The following KDM4C variants were observed in gnomAD, a reference collection of about 807,000 sequenced individuals.
KDM4C encodes the protein lysine-specific demethylase 4C.
Under a neutral mutation model 129.3 loss-of-function variants are expected in KDM4C, and 81 were observed. The observed-to-expected ratio is 0.63, with a 90% CI of 0.52 to 0.75. The LOEUF is 0.75. Ranked by LOEUF, KDM4C falls within the 30% of genes least tolerant of loss-of-function variation. KDM4C has a pLI of 0.00. For synonymous variants in KDM4C, 573 were observed against 456.1 expected, an observed-to-expected ratio of 1.26 and a Z score of -3.26; for missense variants, 1,457 against 1,304.0, an observed-to-expected ratio of 1.12 and a Z score of -1.81.
intron 8 of KDM4C, among the ~76,000 whole-genome samples, chr9:6,940,022 C>CTTCCTTCCTTCT (rs1195416099): frequency 7.5e-6 from 1 of 133,662 alleles, no homozygotes; most frequent in Non-Finnish European, 1.6e-5. Context: ...TCCTTCCTTC[C>CTTCCTTCCTTCT]TTCCTTCCTT....
At chr9:6,772,133 T>C (rs1199114204) in intron 1 of KDM4C, among the ~76,000 whole-genome samples, 1 of 152,184 alleles carries the variant, frequency 6.6e-6, no homozygotes, top group East Asian at 1.9e-4. Context: ...TAAATTAATA[T>C]TCGTAGGAGA....
chr9:7,137,210 G>A (rs947070382), intron 19 of KDM4C, among the ~76,000 whole-genome samples: 5 of 152,210 alleles, frequency 3.3e-5, no homozygotes, highest in Non-Finnish European at 7.3e-5. Flanking sequence ...GCCAGCCTGA[G>A]AGCAGAACTG....
chr9:6,743,112 G>T (rs1200041928), intron 1 of KDM4C, among the ~76,000 whole-genome samples: 2 of 152,158 alleles, frequency 1.3e-5, no homozygotes, highest in Admixed American at 1.3e-4. Context: ...AAAAAATGCT[G>T]CTGACAAAGG....
chr9:7,137,690 C>T (rs1841352889), intron 19 of KDM4C, among the ~76,000 whole-genome samples: 1 of 152,158 alleles, frequency 6.6e-6, no homozygotes, highest in Non-Finnish European at 1.5e-5. Flanking sequence ...AAATATATGG[C>T]GAATGGCAAG....
At chr9:7,082,887 G>T (rs1834700131) in intron 17 of KDM4C, among the ~76,000 whole-genome samples, 1 of 152,176 alleles carries the variant, frequency 6.6e-6, no homozygotes, top group Non-Finnish European at 1.5e-5. Context: ...TAGGAGAAAT[G>T]ATAAAATATA....
chr9:7,073,428 G>T (rs1249103392), intron 17 of KDM4C, among the ~76,000 whole-genome samples: 1 of 152,188 alleles, frequency 6.6e-6, no homozygotes, highest in Non-Finnish European at 1.5e-5. Context: ...TTGAAGAGCT[G>T]TGTAAATCCT....
chr9:6,897,782 C>G (rs1487438895), intron 8 of KDM4C, among the ~76,000 whole-genome samples: 1 of 152,138 alleles, frequency 6.6e-6, no homozygotes, highest in Admixed American at 6.5e-5. Flanking sequence ...ACATCTAGTT[C>G]TTTGTTTTAG....
At chr9:6,874,949 A>T (rs1452752892) in intron 5 of KDM4C, among the ~76,000 whole-genome samples, 1 of 149,654 alleles carries the variant, frequency 6.7e-6, no homozygotes, top group Non-Finnish European at 1.5e-5. Context: ...AAAAAAAAAA[A>T]GTTGCTAGGG....
chr9:7,047,821 A>AGGTACTCCTCAGTTCACCATGAC (rs1186785925), intron 16 of KDM4C, among the ~76,000 whole-genome samples: 43 of 152,186 alleles, frequency 2.8e-4, no homozygotes, highest in African/African-American at 9.6e-4. Context: ...TCAGTGGGGC[A>AGGTACTCCTCAGTTCACCATGAC]GGTACTCCTC....
intron 8 of KDM4C, among the ~76,000 whole-genome samples, chr9:6,921,250 A>C (rs1821445905): frequency 6.6e-6 from 1 of 152,072 alleles, no homozygotes; most frequent in South Asian, 2.1e-4. Flanking sequence ...TGACTACTAA[A>C]ATTTGTATCT....
chr9:7,172,828 C>G (rs192569409), intron 21 of KDM4C, among the ~76,000 whole-genome samples: 4 of 152,208 alleles, frequency 2.6e-5, no homozygotes, highest in African/African-American at 4.8e-5. Context: ...CTGCCAGCAG[C>G]CAGGGGAAGC....
intron 4 of KDM4C, among the ~76,000 whole-genome samples, chr9:6,830,411 A>T (rs1177100448): frequency 6.6e-6 from 1 of 152,152 alleles, no homozygotes; most frequent in Non-Finnish European, 1.5e-5. Context: ...GTTTCTTCAA[A>T]ATAAGTCACC....
intron 8 of KDM4C, among the ~76,000 whole-genome samples, chr9:6,965,765 C>T (rs1255231341): frequency 6.6e-6 from 1 of 152,188 alleles, no homozygotes; most frequent in Non-Finnish European, 1.5e-5. Context: ...TAGATGGAGC[C>T]TACCCACTTG....
chr9:7,162,585 A>T (rs1340018051), intron 19 of KDM4C, among the ~76,000 whole-genome samples: 1 of 152,218 alleles, frequency 6.6e-6, no homozygotes, highest in Admixed American at 6.5e-5. Context: ...CTCGAATGCA[A>T]TTTATGCTTG....
chr9:6,913,348 A>G (rs1819666596), intron 8 of KDM4C, among the ~76,000 whole-genome samples: 1 of 152,252 alleles, frequency 6.6e-6, no homozygotes, highest in Non-Finnish European at 1.5e-5. Flanking sequence ...CTTGAAGGAT[A>G]TGGTGAAACA....
intron 8 of KDM4C, among the ~76,000 whole-genome samples, chr9:6,955,876 C>T (rs1456051341): frequency 6.6e-6 from 1 of 152,160 alleles, no homozygotes. Flanking sequence ...AAATTGTTCT[C>T]AATCTTTATA....
intron 19 of KDM4C, among the ~76,000 whole-genome samples, chr9:7,149,612 A>C (rs965651826): frequency 6.6e-6 from 1 of 152,228 alleles, no homozygotes; most frequent in Non-Finnish European, 1.5e-5. Context: ...CACCAGTAGT[A>C]ATGAATACTG....
At chr9:6,961,467 C>CT (rs1366561022) in intron 8 of KDM4C, among the ~76,000 whole-genome samples, 79 of 152,220 alleles carry the variant, frequency 5.2e-4, no homozygotes, top group Admixed American at 4.2e-3. Flanking sequence ...GTTGTATAAA[C>CT]TGTCAGAAAA....
At chr9:7,083,012 A>C (rs1285057634) in intron 17 of KDM4C, among the ~76,000 whole-genome samples, 1 of 152,188 alleles carries the variant, frequency 6.6e-6, no homozygotes, top group East Asian at 1.9e-4. Flanking sequence ...ATTTTTATGA[A>C]GTGCTTGCAT....
Sources: gnomAD v4.1 joint callset for allele counts (sites outside exome capture counted in the v4.1 genomes callset) on GRCh38, gnomAD v4.1.1 for gene constraint, MANE v1.5 for transcripts, NCBI Gene and HGNC (gene_info 2026-07-23, HGNC 2026-07-21) for gene names.